CACNG7: variants seen among roughly 807,000 people sequenced by gnomAD.
The protein encoded by CACNG7 is calcium voltage-gated channel auxiliary subunit gamma 7.
A neutral mutation model predicts 26.3 loss-of-function variants in CACNG7; 9 were observed. That is an observed-to-expected ratio of 0.34 (90% CI 0.21 to 0.60). The LOEUF (loss-of-function observed/expected upper bound fraction) is 0.60, where lower values mean the gene tolerates loss of function less well. Among genes scored for constraint, CACNG7 ranks in the 20% least tolerant of loss-of-function variants. CACNG7 has a pLI of 0.81. For missense variants in CACNG7, 297 were observed against 380.4 expected (o/e 0.78, Z 1.82); for synonymous variants, 170 against 157.0 (o/e 1.08, Z -0.62).
At chr19:53,922,307 T>C (rs2068966422) in intron 4 of CACNG7, among the ~76,000 whole-genome samples, 1 of 98,486 alleles carries the variant, frequency 1.0e-5, no homozygotes, top group South Asian at 3.7e-4. Context: ...TTGGTGGAGT[T>C]GTCCCCAGGT....
intron 4 of CACNG7, among the ~76,000 whole-genome samples, chr19:53,922,116 G>T (rs1194948553): frequency 8.7e-6 from 1 of 114,644 alleles, no homozygotes; most frequent in East Asian, 2.4e-4. Context: ...CATTGGTGGA[G>T]TTGCCCCAGG....
chr19:53,942,066 A>G lies in CACNG7; in HGVS notation c.601A>G (p.Thr201Ala). ...GAGVMSVYLF[T>A]KRYAEEEMYR... ...CGGCGTGATGTCCGTGTACCTGTTCACCAAGCGCTACGCGGAGGAGGAGAT... is the reference window on the plus strand; with the variant it reads ...CGGCGTGATGTCCGTGTACCTGTTCGCCAAGCGCTACGCGGAGGAGGAGAT... The change falls in exon 6 of 6, where the codon ACC becomes GCC. Residue 201 changes from threonine to alanine, a missense_variant. Thr to Ala is a moderately conservative substitution (Grantham distance 58). Coordinates refer to ENST00000391767, the MANE Select transcript of CACNG7 (RefSeq NM_031896.5). This position sits in a 1 kb window ranked among gnomAD's most constrained non-coding sequence, Gnocchi z 5.9. The G allele has an allele frequency of 1.2e-6, 2 of 1,612,374 alleles. No homozygotes were observed. Among genetic ancestry groups the G allele is most frequent in the Non-Finnish European group, 1.7e-6 (2 of 1,179,008 alleles).
Position 53,912,405 on chromosome 19 carries a change from G to A in CACNG7, c.-29-398G>A, listed in dbSNP as rs980615182. Among the ~76,000 whole-genome samples the A allele has an allele frequency of 6.6e-6, 1 of 152,192 alleles. No individual in the cohort carries two copies. Among genetic ancestry groups the A allele is most frequent in the Non-Finnish European group, 1.5e-5 (1 of 68,034 alleles). Reference sequence around the variant, plus strand: ...AGGTGAGGTTAGGTTTTGGCAGGGGGACCTGGTTCTGGGGTTAAGAAGCTC... The same window carrying A: ...AGGTGAGGTTAGGTTTTGGCAGGGGAACCTGGTTCTGGGGTTAAGAAGCTC... On this transcript the variant is annotated intron_variant, in intron 1 of 5. Coordinates refer to ENST00000391767, the MANE Select transcript of CACNG7 (RefSeq NM_031896.5). The surrounding 1 kb of genome is among the most constrained non-coding windows in gnomAD (Gnocchi z 4.6).
intron 1 of CACNG7, among the ~76,000 whole-genome samples, chr19:53,910,003 T>G (rs8111756): frequency 6.6e-6 from 1 of 151,794 alleles, no homozygotes; most frequent in African/African-American, 2.4e-5. Context: ...AGAGGAGGCT[T>G]CAGGCCTGGG....
intron 4 of CACNG7, among the ~76,000 whole-genome samples, chr19:53,923,723 C>T (rs1284512510): frequency 2.8e-5 from 3 of 106,392 alleles, no homozygotes; most frequent in Non-Finnish European, 5.2e-5. Flanking sequence ...CAGGTCTGGT[C>T]ATTGGTGGAG....
chr19:53,921,499 G>GC (rs1555810556), intron 4 of CACNG7, among the ~76,000 whole-genome samples: 1 of 144,322 alleles, frequency 6.9e-6, no homozygotes, highest in Non-Finnish European at 1.5e-5. Context: ...TGGTGGAGTT[G>GC]CCCCAGGTCT....
intron 4 of CACNG7, among the ~76,000 whole-genome samples, chr19:53,917,602 C>A (rs142305928): frequency 6.6e-6 from 1 of 152,096 alleles, no homozygotes; most frequent in African/African-American, 2.4e-5. Flanking sequence ...TGAATCACAG[C>A]GGGTGGAGCC....
In CACNG7 at chr19:53,940,175, T is replaced by C. The variant is rs2069128853; in HGVS notation, c.425-1295T>C. On this transcript the variant is annotated intron_variant, in intron 4 of 5. Transcript: ENST00000391767. This position sits in a 1 kb window ranked among gnomAD's most constrained non-coding sequence, Gnocchi z 4.1. The stretch of plus-strand genomic sequence containing the variant: ...GTTACTGTTTAGAGGAAATTTCATC[T>C]GGAGAAAATGATAATCGCCTCTTAG... Among the ~76,000 whole-genome samples the C allele has an allele frequency of 6.6e-6, 1 of 152,208 alleles. No individual in the cohort carries two copies. The highest frequency in any genetic ancestry group is 2.4e-5 in the African/African-American group (1 of 41,466).
chr19:53,912,116 C>G lies in CACNG7; in HGVS notation c.-29-687C>G, dbSNP rs1599962134. On this transcript the variant is annotated intron_variant, in intron 1 of 5. Coordinates refer to ENST00000391767, the MANE Select transcript of CACNG7 (RefSeq NM_031896.5). This position sits in a 1 kb window ranked among gnomAD's most constrained non-coding sequence, Gnocchi z 4.6. Reference sequence around the variant, plus strand: ...CCTGGGTTAGAGTTTCTGGCCAGCTCAAGTTGTAGAGCATCCAGGGTTCAA... The same window carrying G: ...CCTGGGTTAGAGTTTCTGGCCAGCTGAAGTTGTAGAGCATCCAGGGTTCAA... 6.6e-6 allele frequency among the ~76,000 whole-genome samples: 1 copy of G among 152,088 alleles called. No individual in the cohort carries two copies. Among genetic ancestry groups the G allele is most frequent in the Admixed American group, 6.6e-5 (1 of 15,260 alleles).
rs1168267850 is a variant in CACNG7 at position 53,921,772 on chromosome 19, A to C, written c.424+6267A>C. Among the ~76,000 whole-genome samples the C allele has an allele frequency of 6.2e-5, 4 of 64,850 alleles. 1 individual carries two copies. The highest frequency in any genetic ancestry group is 1.6e-4 in the Admixed American group (1 of 6,350). 42.5% of individuals were successfully genotyped at this position (64,850 alleles called of 152,430 possible). ...GGTCTGGTATTGGTGGAGTTGTCCC[A>C]GGTCTGGTCATTGGTGGAGTTGTCC... On this transcript the variant is annotated intron_variant, in intron 4 of 5. Coordinates refer to ENST00000391767, the MANE Select transcript of CACNG7 (RefSeq NM_031896.5).
chr19:53,932,697 C>T (rs1333872942), intron 4 of CACNG7, among the ~76,000 whole-genome samples: 1 of 152,090 alleles, frequency 6.6e-6, no homozygotes, highest in East Asian at 1.9e-4. Flanking sequence ...GGTCCCTCTC[C>T]TATTTTTTTC....
intron 4 of CACNG7, among the ~76,000 whole-genome samples, chr19:53,918,863 G>A (rs1335651185): frequency 6.6e-6 from 1 of 152,138 alleles, no homozygotes; most frequent in Non-Finnish European, 1.5e-5. Context: ...CCGCGTCCCA[G>A]GTTCAAGCGA....
chr19:53,927,889 G>A (rs1306329683), intron 4 of CACNG7, among the ~76,000 whole-genome samples: 2 of 151,678 alleles, frequency 1.3e-5, no homozygotes, highest in Admixed American at 6.6e-5. Flanking sequence ...GACAGAGGTC[G>A]ACGCCAGTGC....
chr19:53,910,920 T>C (rs974230996), intron 1 of CACNG7, among the ~76,000 whole-genome samples: 5 of 151,910 alleles, frequency 3.3e-5, no homozygotes, highest in Admixed American at 3.3e-4. Context: ...TTTCAGATCG[T>C]GTGTTAGGGG....
chr19:53,916,142 A>G (rs2068895923), intron 4 of CACNG7, among the ~76,000 whole-genome samples: 1 of 152,210 alleles, frequency 6.6e-6, no homozygotes, highest in South Asian at 2.1e-4. Context: ...GTCTAGATGC[A>G]TTTCAGAGTA....
intron 4 of CACNG7, among the ~76,000 whole-genome samples, chr19:53,918,811 C>G (rs1451605744): frequency 4.6e-5 from 7 of 152,134 alleles, no homozygotes; most frequent in Non-Finnish European, 1.0e-4. Flanking sequence ...TCTCGTCGCC[C>G]AGGCTGGAGT....
chr19:53,929,122 C>CAAAAAAAAAAAA (rs1297562260), intron 4 of CACNG7, among the ~76,000 whole-genome samples: 1 of 50,466 alleles, frequency 2.0e-5, no homozygotes, highest in Non-Finnish European at 4.3e-5. Context: ...AAAAAAAAAA[C>CAAAAAAAAAAAA]AAAAAAAAAA....
At chr19:53,919,897 G>C (rs1247119039) in intron 4 of CACNG7, among the ~76,000 whole-genome samples, 1 of 130,682 alleles carries the variant, frequency 7.7e-6, no homozygotes, top group Non-Finnish European at 1.6e-5. Context: ...TGGTGGACTT[G>C]CCCCAGGCTG....
Position 53,922,373 on chromosome 19 carries a change from C to T in CACNG7, c.424+6868C>T, listed in dbSNP as rs866624080. 4.4e-4 allele frequency among the ~76,000 whole-genome samples: 42 copies of T among 95,004 alleles called. 4 individuals carry two copies. The highest frequency in any genetic ancestry group is 1.8e-3 in the African/African-American group (35 of 19,646). The allele number at this position is 95,004 out of a possible 152,430, so 62.3% of individuals were successfully genotyped here. A position where few individuals can be genotyped will look rare whatever the true frequency, so the allele number is the denominator to read the frequency against. ...GGTCATTGGTGGAGTTGTCCCCAGG[C>T]CTGGTCATTGGTGGAGTTGTCCCCA... On this transcript the variant is annotated intron_variant, in intron 4 of 5. Coordinates refer to ENST00000391767, the MANE Select transcript of CACNG7 (RefSeq NM_031896.5).
Sources: allele counts gnomAD v4.1 joint callset (sites outside exome capture counted in the v4.1 genomes callset), GRCh38; gene constraint gnomAD v4.1.1; non-coding constraint Gnocchi (gnomAD v3.1); transcripts MANE v1.5; gene names NCBI Gene and HGNC (gene_info 2026-07-23, HGNC 2026-07-21).